The following FOXP1 variants were observed in gnomAD, a reference collection of about 807,000 sequenced individuals.
The protein encoded by FOXP1 is forkhead box P1.
Under a neutral mutation model 98.2 loss-of-function variants are expected in FOXP1, and 15 were observed. The ratio of observed to expected loss-of-function variants is 0.15; its 90% CI spans 0.10 to 0.24. FOXP1 has a LOEUF of 0.24. FOXP1 is among the 10% of genes least tolerant of loss of function. FOXP1 has a pLI of 1.00. For synonymous variants in FOXP1, 371 were observed against 314.5 expected, an observed-to-expected ratio of 1.18 and a Z score of -1.90; for missense variants, 633 against 848.5, an observed-to-expected ratio of 0.75 and a Z score of 3.15.
intron 7 of FOXP1, among the ~76,000 whole-genome samples, chr3:71,109,945 G>C (rs1412498032): frequency 6.6e-6 from 1 of 152,026 alleles, no homozygotes; most frequent in Non-Finnish European, 1.5e-5. Context: ...CCTCTACTTG[G>C]GGGGTAGGGG....
At chr3:71,251,342 T>G (rs963617171) in intron 5 of FOXP1, among the ~76,000 whole-genome samples, 2 of 152,316 alleles carry the variant, frequency 1.3e-5, no homozygotes, top group Middle Eastern at 6.8e-3. Flanking sequence ...ATCCTGTCCC[T>G]CCCCTGAAAA....
At position 71,198,386 on chromosome 3, in the gene FOXP1, C is replaced by T. The variant is rs751002446; in HGVS notation, c.-5G>A. The T allele has an allele frequency of 4.1e-5, 52 of 1,283,776 alleles. No homozygotes were observed. The highest frequency in any genetic ancestry group is 5.3e-5 in the Non-Finnish European group (51 of 965,748). The allele number at this position is 1,283,776 out of a possible 1,614,324, so 79.5% of individuals were successfully genotyped here. ...AGTCCCAGATTCTTGCATCATGACT[C>T]AAAAACCTGATACAAGGATTTCCAA... On this transcript the variant is annotated 5_prime_UTR_variant, in exon 6 of 21. Coordinates refer to ENST00000649528, the MANE Select transcript of FOXP1 (RefSeq NM_001349338.3).
intron 4 of FOXP1, among the ~76,000 whole-genome samples, chr3:71,346,511 T>A (rs547264846): frequency 1.5e-4 from 23 of 152,306 alleles, no homozygotes; most frequent in Admixed American, 1.0e-3. Context: ...CACACAGTAA[T>A]AGTATAGTAT....
At chr3:71,435,002 C>T (rs1440409831) in intron 3 of FOXP1, among the ~76,000 whole-genome samples, 1 of 151,672 alleles carries the variant, frequency 6.6e-6, no homozygotes, top group Admixed American at 6.6e-5. Context: ...CATTTCACAG[C>T]CCACTCTATT....
intron 5 of FOXP1, among the ~76,000 whole-genome samples, chr3:71,277,596 T>C (rs997338851): frequency 1.3e-5 from 2 of 152,074 alleles, no homozygotes; most frequent in African/African-American, 2.4e-5. Flanking sequence ...CCTCCCTGCA[T>C]ATTATATTCC....
intron 12 of FOXP1, among the ~76,000 whole-genome samples, chr3:71,014,105 A>G (rs902942327): frequency 6.6e-6 from 1 of 152,230 alleles, no homozygotes; most frequent in African/African-American, 2.4e-5. Context: ...CAAGGACTTC[A>G]TGACTAAAAC....
In FOXP1 at chr3:71,581,664, C is replaced by T. The variant is rs1002917415; in HGVS notation, c.-413G>A. 1.3e-5 allele frequency: 13 copies of T among 985,720 alleles called. No individual in the cohort carries two copies. The highest frequency in any genetic ancestry group is 5.2e-4 in the Middle Eastern group (1 of 1,934). The allele number at this position is 985,720 out of a possible 1,614,324, so 61.1% of individuals were successfully genotyped here. ...GCCCCCGGCCCGCTCGCTCGCTCGC[C>T]GCGCGCTCTCTTCCTCTTACAAACT... is the stretch of plus-strand genomic sequence containing the variant. On this transcript the variant is annotated 5_prime_UTR_variant, in exon 2 of 21. Transcript: ENST00000649528.
At chr3:71,293,130 T>G (rs549327571) in intron 5 of FOXP1, among the ~76,000 whole-genome samples, 1 of 152,334 alleles carries the variant, frequency 6.6e-6, no homozygotes, top group Non-Finnish European at 1.5e-5. Context: ...TTTGTACAGT[T>G]AAGCTTCAGA....
rs56227948 is a variant in FOXP1 at position 71,318,154 on chromosome 3, G to GT, written c.-72-18275dup. 9.9e-4 allele frequency among the ~76,000 whole-genome samples: 132 copies of GT among 133,260 alleles called. 1 individual carries two copies. The highest frequency in any genetic ancestry group is 4.0e-3 in the Middle Eastern group (1 of 248). 87.4% of individuals were successfully genotyped at this position (133,260 alleles called of 152,430 possible). On this transcript the variant is annotated intron_variant, in intron 4 of 20. Coordinates refer to ENST00000649528, the MANE Select transcript of FOXP1 (RefSeq NM_001349338.3). ...ATTACAAATAATTCTACCCAGCAAGGTTTTTTTTTTTTTTTTTCCTTCTTT... is the reference window on the plus strand; with the variant it reads ...ATTACAAATAATTCTACCCAGCAAGGTTTTTTTTTTTTTTTTTTCCTTCTTT...
intron 6 of FOXP1, among the ~76,000 whole-genome samples, chr3:71,134,706 C>T (rs1012854000): frequency 2.0e-5 from 3 of 152,166 alleles, no homozygotes; most frequent in Admixed American, 6.5e-5. Context: ...CTAACTGCTG[C>T]TCTGCCAAGT....
intron 5 of FOXP1, among the ~76,000 whole-genome samples, chr3:71,264,775 A>G (rs2069482371): frequency 6.6e-6 from 1 of 152,160 alleles, no homozygotes; most frequent in Admixed American, 6.5e-5. Flanking sequence ...TGTATTGGGT[A>G]CTCCCATCAA....
At chr3:71,195,875 C>T (rs2063270242) in intron 6 of FOXP1, among the ~76,000 whole-genome samples, 1 of 152,186 alleles carries the variant, frequency 6.6e-6, no homozygotes, top group Admixed American at 6.5e-5. Context: ...GTCTAATTGT[C>T]GCAGTTTTCA....
intron 3 of FOXP1, among the ~76,000 whole-genome samples, chr3:71,457,436 T>C (rs1259014414): frequency 6.6e-6 from 1 of 152,178 alleles, no homozygotes; most frequent in African/African-American, 2.4e-5. Flanking sequence ...GGTACATACC[T>C]AAAATATCCT....
intron 2 of FOXP1, chr3:71,581,185 A>G (rs2107890205): frequency 1.0e-6 from 1 of 985,282 alleles, no homozygotes; most frequent in Non-Finnish European, 1.2e-6. Flanking sequence ...TACACTTTGT[A>G]ATCAGCCCAG....
Position 71,053,718 on chromosome 3 carries a change from T to G in FOXP1, c.338A>C (p.Gln113Pro), listed in dbSNP as rs371628892. The G allele has an allele frequency of 2.5e-6, 4 of 1,614,102 alleles. No individual in the cohort carries two copies. Among genetic ancestry groups the G allele is most frequent in the Non-Finnish European group, 2.5e-6 (3 of 1,179,980 alleles). The change falls in exon 8 of 21, where the codon CAG (glutamine) becomes CCG (proline). Residue 113 changes from glutamine (Q) to proline (P), a missense_variant. Coordinates refer to ENST00000649528, the MANE Select transcript of FOXP1 (RefSeq NM_001349338.3). Reference protein sequence around the residue: ...TPQVITPQQMQQILQQQVLSP... With the variant: ...TPQVITPQQMPQILQQQVLSP... ...CAGCACTTGTTGCTGGAGGATCTGC[T>G]GCATTTGCTGGGGAGTGATAACTTG... is the stretch of plus-strand genomic sequence containing the variant.
At chr3:71,108,741 G>C (rs112714823) in intron 7 of FOXP1, among the ~76,000 whole-genome samples, 5 of 152,194 alleles carry the variant, frequency 3.3e-5, no homozygotes, top group African/African-American at 1.2e-4. Flanking sequence ...CTCCAGCCTG[G>C]ATGAAAGAGC....
In FOXP1 at chr3:70,971,902, A is replaced by C. The variant is rs1446470661; in HGVS notation, c.1652+653T>G. The stretch of plus-strand genomic sequence containing the variant: ...TCACACAATTTAGTTTCGTTGCAGA[A>C]AGCTGTGGCACTGCTATTGGTGAAA... On this transcript the variant is annotated intron_variant, in intron 18 of 20. Coordinates refer to ENST00000649528, the MANE Select transcript of FOXP1 (RefSeq NM_001349338.3). 7.4e-6 allele frequency: 6 copies of C among 810,150 alleles called. No individual in the cohort carries two copies. In the South Asian group the frequency reaches 2.0e-4, roughly 27 times the overall value. 50.2% of individuals were successfully genotyped at this position (810,150 alleles called of 1,614,324 possible).
intron 5 of FOXP1, among the ~76,000 whole-genome samples, chr3:71,289,139 C>A (rs2072489549): frequency 6.6e-6 from 1 of 152,022 alleles, no homozygotes; most frequent in South Asian, 2.1e-4. Context: ...GGTCCCAGTT[C>A]AAGCAATTCT....
rs542829716 is a variant in FOXP1 at position 71,480,616 on chromosome 3, G to A, written c.-168+12810C>T. On this transcript the variant is annotated intron_variant, in intron 3 of 20. Coordinates refer to ENST00000649528, the MANE Select transcript of FOXP1 (RefSeq NM_001349338.3). Reference sequence around the variant, plus strand: ...TGGTGCTGTGGGAAACAATGCACATGGTCACAGGGCACTCAAAATTGAAGC... The same window carrying A: ...TGGTGCTGTGGGAAACAATGCACATAGTCACAGGGCACTCAAAATTGAAGC... 8.5e-5 allele frequency among the ~76,000 whole-genome samples: 13 copies of A among 152,304 alleles called. No homozygotes were observed. In the South Asian group the frequency reaches 2.7e-3, roughly 32 times the overall value.
Sources: gnomAD v4.1 joint callset for allele counts (sites outside exome capture counted in the v4.1 genomes callset) on GRCh38, gnomAD v4.1.1 for gene constraint, MANE v1.5 for transcripts, NCBI Gene and HGNC (gene_info 2026-07-23, HGNC 2026-07-21) for gene names.